The following KAZN variants were observed in gnomAD, a reference collection of about 807,000 sequenced individuals.
KAZN encodes kazrin, periplakin interacting protein, also known as kazrin.
KAZN carries 40 observed loss-of-function variants against 87.4 expected under a neutral mutation model. The observed-to-expected ratio is 0.46, with a 90% CI of 0.36 to 0.60. The LOEUF (loss-of-function observed/expected upper bound fraction) is 0.60, where lower values mean the gene tolerates loss of function less well. Ranked by LOEUF, KAZN falls within the 20% of genes least tolerant of loss-of-function variation. The probability of loss-of-function intolerance (pLI) is 0.00; values close to 1 mark genes in which losing one functional copy is unlikely to be tolerated. For missense variants in KAZN, 898 were observed against 1,073.9 expected, an observed-to-expected ratio of 0.84 and a Z score of 2.29; for synonymous variants, 466 against 458.3, an observed-to-expected ratio of 1.02 and a Z score of -0.22.
At chr1:14,131,400 G>A (rs992015565) in intron 1 of KAZN, among the ~76,000 whole-genome samples, 7 of 152,136 alleles carry the variant, frequency 4.6e-5, no homozygotes, top group African/African-American at 1.4e-4. Context: ...ATTTTTATTA[G>A]TCAATCCGAT....
At chr1:14,140,665 G>A (rs1210234946) in intron 1 of KAZN, among the ~76,000 whole-genome samples, 1 of 152,018 alleles carries the variant, frequency 6.6e-6, no homozygotes, top group African/African-American at 2.4e-5. Context: ...TGCTTTGCCT[G>A]TAGTTCTTAC....
At chr1:13,990,970 GACTT>G (rs1639254493) in intron 1 of KAZN, among the ~76,000 whole-genome samples, 1 of 151,862 alleles carries the variant, frequency 6.6e-6, no homozygotes, top group Admixed American at 6.6e-5. Context: ...AAAGTTTGGT[GACTT>G]ATAACAACTA....
rs184631803 is a variant in KAZN, at chr1:14,550,074, C to T, written c.250-48909C>T. On this transcript the variant is annotated intron_variant, in intron 2 of 16. Coordinates refer to the KAZN transcript ENST00000636203. Reference sequence around the variant, plus strand: ...GTTCCGTTGACAACATTCCCAGGTACGCACACCTGTTGTGGAGCACATCTG... The same window carrying T: ...GTTCCGTTGACAACATTCCCAGGTATGCACACCTGTTGTGGAGCACATCTG... Among the ~76,000 whole-genome samples the T allele has an allele frequency of 2.7e-3, 413 of 152,348 alleles. 4 individuals are homozygous for T. The highest frequency in any genetic ancestry group is 4.3e-3 in the Non-Finnish European group (290 of 68,034).
intron 1 of KAZN, among the ~76,000 whole-genome samples, chr1:14,863,112 G>T (rs572748054): frequency 6.6e-5 from 10 of 152,326 alleles, no homozygotes; most frequent in African/African-American, 2.4e-4. Flanking sequence ...TCCACTGTCA[G>T]GTGGTGAGCT....
intron 1 of KAZN, among the ~76,000 whole-genome samples, chr1:14,892,508 C>T (rs1035558576): frequency 3.9e-5 from 6 of 151,988 alleles, no homozygotes; most frequent in African/African-American, 1.5e-4. Flanking sequence ...CACCATGGAG[C>T]TTCTCCCTCC....
At chr1:14,876,275 C>A (rs888042806) in intron 1 of KAZN, among the ~76,000 whole-genome samples, 1 of 152,224 alleles carries the variant, frequency 6.6e-6, no homozygotes, top group Non-Finnish European at 1.5e-5. Flanking sequence ...AATTTCCAAT[C>A]TTGTGGTAGC....
chr1:14,124,019 A>T (rs986656850), intron 1 of KAZN, among the ~76,000 whole-genome samples: 1 of 152,180 alleles, frequency 6.6e-6, no homozygotes, highest in Non-Finnish European at 1.5e-5. Context: ...CGACCCAGGT[A>T]AGGGTCTACC....
At chr1:14,425,209 C>T (rs1378317317) in intron 2 of KAZN, among the ~76,000 whole-genome samples, 2 of 152,174 alleles carry the variant, frequency 1.3e-5, no homozygotes, top group East Asian at 3.9e-4. Context: ...ATTGCATTTG[C>T]AATGCCTGGC....
At chr1:14,679,887 A>T (rs1384370268) in intron 1 of KAZN, among the ~76,000 whole-genome samples, 1 of 151,980 alleles carries the variant, frequency 6.6e-6, no homozygotes, top group African/African-American at 2.4e-5. Flanking sequence ...ATAAGTGAGG[A>T]GTGATTTGTG....
At chr1:14,927,602 A>G (rs528342737) in intron 1 of KAZN, among the ~76,000 whole-genome samples, 2 of 152,250 alleles carry the variant, frequency 1.3e-5, no homozygotes, top group African/African-American at 4.8e-5. Flanking sequence ...AGCTAAAGGA[A>G]CTAAGCCATT....
At chr1:14,189,425 T>C (rs1042937619) in intron 2 of KAZN, among the ~76,000 whole-genome samples, 4 of 152,136 alleles carry the variant, frequency 2.6e-5, no homozygotes, top group African/African-American at 9.7e-5. Flanking sequence ...TAAAAAACCA[T>C]CCCAAAACAG....
chr1:14,269,233 C>T (rs902550997), intron 2 of KAZN, among the ~76,000 whole-genome samples: 1 of 151,922 alleles, frequency 6.6e-6, no homozygotes, highest in African/African-American at 2.4e-5. Flanking sequence ...TAAACAGATA[C>T]ACAATGTATC....
At chr1:14,649,953 G>A (rs1239765951) in intron 1 of KAZN, among the ~76,000 whole-genome samples, 1 of 151,624 alleles carries the variant, frequency 6.6e-6, no homozygotes, top group Non-Finnish European at 1.5e-5. Context: ...TACAGGGCTT[G>A]GCACCTAAAT....
At chr1:14,365,096 T>C (rs1400355393) in intron 2 of KAZN, among the ~76,000 whole-genome samples, 1 of 151,040 alleles carries the variant, frequency 6.6e-6, no homozygotes, top group Non-Finnish European at 1.5e-5. Flanking sequence ...CAGACTGGAG[T>C]GCAGTGGCAC....
intron 6 of KAZN, chr1:15,061,330 T>C (rs1389884054): frequency 6.6e-6 from 1 of 152,164 alleles, no homozygotes; most frequent in Non-Finnish European, 1.5e-5. Flanking sequence ...TTTTTTTCAA[T>C]CCACAATAAT....
chr1:14,256,555 C>T (rs1392082595), intron 2 of KAZN, among the ~76,000 whole-genome samples: 1 of 151,882 alleles, frequency 6.6e-6, no homozygotes, highest in Non-Finnish European at 1.5e-5. Context: ...CACCTGTCCC[C>T]TGAGGTCTTT....
At chr1:14,151,301 T>C (rs151155976) in intron 1 of KAZN, among the ~76,000 whole-genome samples, 3 of 152,134 alleles carry the variant, frequency 2.0e-5, no homozygotes, top group South Asian at 2.1e-4. Context: ...TTTTGAACCA[T>C]GCATTTTTTT....
intron 1 of KAZN, among the ~76,000 whole-genome samples, chr1:13,989,494 G>T (rs1261993217): frequency 6.6e-6 from 1 of 152,148 alleles, no homozygotes; most frequent in Admixed American, 6.5e-5. Flanking sequence ...AGAGACCTCA[G>T]GCATCTGCCT....
intron 1 of KAZN, among the ~76,000 whole-genome samples, chr1:14,950,455 A>T (rs963290521): frequency 2.6e-5 from 4 of 152,148 alleles, no homozygotes; most frequent in African/African-American, 9.7e-5. Context: ...TCAGCCCCAC[A>T]GAGGGAGTGA....
Sources: gnomAD v4.1 joint callset for allele counts (sites outside exome capture counted in the v4.1 genomes callset) on GRCh38, gnomAD v4.1.1 for gene constraint, MANE v1.5 for transcripts, NCBI Gene and HGNC (gene_info 2026-07-23, HGNC 2026-07-21) for gene names.